GAB2: variants seen among roughly 807,000 people sequenced by gnomAD.
The protein encoded by GAB2 is GRB2 associated binding protein 2, also known as GRB2-associated-binding protein 2.
In GAB2, 26 loss-of-function variants were observed where a neutral mutation model predicts 65.5. The observed-to-expected ratio is 0.40, with a 90% CI of 0.29 to 0.55. The LOEUF is 0.55. Among genes scored for constraint, GAB2 ranks in the 20% least tolerant of loss-of-function variants. The pLI is 0.53. For missense variants in GAB2, 884 were observed against 875.8 expected (o/e 1.01, Z -0.12); for synonymous variants, 321 against 329.6 (o/e 0.97, Z 0.28).
chr11:78,407,730 G>C (rs1434379874), intron 1 of GAB2, among the ~76,000 whole-genome samples: 2 of 147,636 alleles, frequency 1.4e-5, no homozygotes, highest in African/African-American at 5.0e-5. Flanking sequence ...CAAAAAGAAA[G>C]AAAGAAAGAA....
chr11:78,328,276 C>T (rs1425603505), intron 1 of GAB2, among the ~76,000 whole-genome samples: 1 of 152,190 alleles, frequency 6.6e-6, no homozygotes, highest in African/African-American at 2.4e-5. Flanking sequence ...GGTAGCATTG[C>T]ATTTGCAGTC....
Position 78,264,328 on chromosome 11 carries a change from T to C in GAB2, c.377-13928A>G, listed in dbSNP as rs182155130. 9.1e-4 allele frequency among the ~76,000 whole-genome samples: 138 copies of C among 152,164 alleles called. 1 individual carries two copies. Among genetic ancestry groups the C allele is most frequent in the African/African-American group, 3.2e-3 (134 of 41,510 alleles). Reference sequence around the variant, plus strand: ...TTGTTTTATGTACAGAGATCTAGGATGGCTTTTGTTAAATTGATTCCTAAG... The same window carrying C: ...TTGTTTTATGTACAGAGATCTAGGACGGCTTTTGTTAAATTGATTCCTAAG... On this transcript the variant is annotated intron_variant, in intron 2 of 9. Transcript: ENST00000361507.
intron 1 of GAB2, among the ~76,000 whole-genome samples, chr11:78,389,250 A>T (rs1274012414): frequency 6.6e-6 from 1 of 152,190 alleles, no homozygotes; most frequent in Non-Finnish European, 1.5e-5. Context: ...GACATGAAGA[A>T]CAACTCCATG....
chr11:78,247,381 T>C (rs116757498), intron 3 of GAB2, among the ~76,000 whole-genome samples: 2,979 of 152,246 alleles, frequency 0.02, 108 homozygotes, highest in African/African-American at 0.07. Context: ...CATCCTAAAA[T>C]CCACCATCTC....
chr11:78,248,804 C>T (rs780735799), intron 3 of GAB2, among the ~76,000 whole-genome samples: 4 of 152,246 alleles, frequency 2.6e-5, no homozygotes, highest in African/African-American at 9.6e-5. Context: ...CCATATCCGA[C>T]TGACTCCAAA....
chr11:78,288,146 G>A (rs1371717918), intron 1 of GAB2, among the ~76,000 whole-genome samples: 3 of 151,474 alleles, frequency 2.0e-5, no homozygotes, highest in Admixed American at 6.6e-5. Flanking sequence ...TTAGGAGGCC[G>A]AGGCATGTGG....
intron 1 of GAB2, among the ~76,000 whole-genome samples, chr11:78,311,920 A>T (rs1374232760): frequency 6.6e-6 from 1 of 152,190 alleles, no homozygotes; most frequent in Non-Finnish European, 1.5e-5. Context: ...AACAGGTAAG[A>T]GGCAGAGCAG....
intron 1 of GAB2, among the ~76,000 whole-genome samples, chr11:78,318,766 C>T (rs1048405718): frequency 5.9e-5 from 9 of 152,148 alleles, no homozygotes; most frequent in Non-Finnish European, 1.0e-4. Context: ...AGGGAGGAAA[C>T]TGGCATAAAA....
chr11:78,408,925 A>G (rs1857089881), intron 1 of GAB2, among the ~76,000 whole-genome samples: 1 of 152,196 alleles, frequency 6.6e-6, no homozygotes, highest in African/African-American at 2.4e-5. Flanking sequence ...CTGTGGGCCA[A>G]TTAAACCTCT....
intron 1 of GAB2, among the ~76,000 whole-genome samples, chr11:78,317,147 G>A (rs1219076165): frequency 1.3e-5 from 2 of 152,182 alleles, no homozygotes; most frequent in African/African-American, 2.4e-5. Context: ...GAGGAATAGG[G>A]CATCAATGTC....
chr11:78,396,322 A>G (rs372347771), intron 1 of GAB2, among the ~76,000 whole-genome samples: 5 of 152,356 alleles, frequency 3.3e-5, no homozygotes, highest in African/African-American at 1.2e-4. Context: ...GTTTCAGCAA[A>G]ATATCTACTG....
At chr11:78,410,614 C>T (rs1488582822) in intron 1 of GAB2, among the ~76,000 whole-genome samples, 1 of 152,210 alleles carries the variant, frequency 6.6e-6, no homozygotes, top group Admixed American at 6.5e-5. Flanking sequence ...AAGCATAATA[C>T]AGGATACTGT....
At position 78,280,618 on chromosome 11, in the gene GAB2, T is replaced by C. The variant is rs769204768; in HGVS notation, c.359A>G (p.Gln120Arg). Residue 120 changes from glutamine (Q) to arginine (R), a missense_variant, in exon 2 of 10, where the codon CAG (glutamine) becomes CGG (arginine). Gln to Arg is a conservative substitution (Grantham distance 43). Coordinates refer to ENST00000361507, the MANE Select transcript of GAB2 (RefSeq NM_080491.3). ...TCTCATACCTGTGCTCTCCTCAGCC[T>C]GATTGAAGCCACAGATCTGGCAGAT... is the stretch of plus-strand genomic sequence containing the variant. ...QSICQICGFN[Q>R]AEESTDSLRN... 6.2e-7 allele frequency: 1 copy of C among 1,613,968 alleles called. No homozygotes were observed. Among genetic ancestry groups the C allele is most frequent in the Non-Finnish European group, 8.5e-7 (1 of 1,179,820 alleles).
chr11:78,416,352 A>C (rs886720885), intron 1 of GAB2, among the ~76,000 whole-genome samples: 5 of 152,162 alleles, frequency 3.3e-5, no homozygotes, highest in African/African-American at 7.2e-5. Context: ...CGCAACAACA[A>C]CACTTCCTTT....
intron 3 of GAB2, among the ~76,000 whole-genome samples, chr11:78,231,412 A>G (rs989391790): frequency 6.6e-6 from 1 of 150,866 alleles, no homozygotes; most frequent in East Asian, 2.0e-4. Context: ...GCAGTGATGC[A>G]ATCTTGGCTC....
At chr11:78,406,787 T>C (rs1857051000) in intron 1 of GAB2, among the ~76,000 whole-genome samples, 1 of 152,184 alleles carries the variant, frequency 6.6e-6, no homozygotes, top group African/African-American at 2.4e-5. Flanking sequence ...TAGAATTATC[T>C]TTCAAAGATT....
At chr11:78,271,951 T>C (rs1427293215) in intron 2 of GAB2, among the ~76,000 whole-genome samples, 1 of 152,206 alleles carries the variant, frequency 6.6e-6, no homozygotes, top group Admixed American at 6.5e-5. Flanking sequence ...TGAGATCTGA[T>C]GGTTTTAAAA....
chr11:78,305,797 C>G (rs1855343661), intron 1 of GAB2, among the ~76,000 whole-genome samples: 1 of 152,188 alleles, frequency 6.6e-6, no homozygotes, highest in Admixed American at 6.5e-5. Flanking sequence ...GATGCATTCC[C>G]AAGGTCTCAG....
intron 3 of GAB2, among the ~76,000 whole-genome samples, chr11:78,227,735 A>T (rs1327648550): frequency 1.3e-5 from 2 of 151,804 alleles, no homozygotes; most frequent in East Asian, 3.9e-4. Context: ...AGAAGTTCGA[A>T]GTTAGAGTGA....
Sources: gnomAD v4.1 joint callset for allele counts (sites outside exome capture counted in the v4.1 genomes callset) on GRCh38, gnomAD v4.1.1 for gene constraint, MANE v1.5 for transcripts, NCBI Gene and HGNC (gene_info 2026-07-23, HGNC 2026-07-21) for gene names.